The following SEMA6D variants were observed in gnomAD, a reference collection of about 807,000 sequenced individuals.
SEMA6D encodes semaphorin 6D.
In SEMA6D, 35 loss-of-function variants were observed where a neutral mutation model predicts 106.6. The observed-to-expected ratio is 0.33, with a 90% CI of 0.25 to 0.44. The LOEUF (loss-of-function observed/expected upper bound fraction) is 0.44, where lower values mean the gene tolerates loss of function less well. Among genes scored for constraint, SEMA6D ranks in the 20% least tolerant of loss-of-function variants. The pLI, the probability that SEMA6D is intolerant of heterozygous loss-of-function variation, is 1.00. For missense variants in SEMA6D, 1,185 were observed against 1,345.9 expected (o/e 0.88, Z 1.87); for synonymous variants, 499 against 487.7 (o/e 1.02, Z -0.31).
At chr15:47,295,789 T>G (rs2035780848) in intron 1 of SEMA6D, among the ~76,000 whole-genome samples, 1 of 152,218 alleles carries the variant, frequency 6.6e-6, no homozygotes. Context: ...AAAAGCCATT[T>G]AGTTGGGAGC....
At chr15:47,451,727 C>G (rs1457706534) in intron 2 of SEMA6D, among the ~76,000 whole-genome samples, 4 of 151,832 alleles carry the variant, frequency 2.6e-5, no homozygotes, top group East Asian at 1.9e-4. Context: ...TTTCCTTTAC[C>G]CTCTTTGCAC....
Position 47,436,304 on chromosome 15 carries a change from C to T in SEMA6D, c.-159+23832C>T, listed in dbSNP as rs1405480898. Among the ~76,000 whole-genome samples, 3 of 151,618 alleles carry T rather than the reference C, an allele frequency of 2.0e-5. No individual in the cohort carries two copies. The South Asian group carries it at 6.2e-4, about 32-fold the overall frequency. ...ATTTGGGAGGCTAAGGCAGGACCATCGCTTCAACCCAGGAAGCGGAGGTTG... is the reference window on the plus strand; with the variant it reads ...ATTTGGGAGGCTAAGGCAGGACCATTGCTTCAACCCAGGAAGCGGAGGTTG... On this transcript the variant is annotated intron_variant, in intron 2 of 19. Transcript: ENST00000558014.
intron 3 of SEMA6D, among the ~76,000 whole-genome samples, chr15:47,472,632 G>A (rs1345072555): frequency 6.6e-6 from 1 of 151,940 alleles, no homozygotes; most frequent in African/African-American, 2.4e-5. Flanking sequence ...TTTCTTCTGA[G>A]CTTTAGAAGA....
chr15:47,564,579 A>G (rs1001910218), intron 3 of SEMA6D, among the ~76,000 whole-genome samples: 1 of 152,160 alleles, frequency 6.6e-6, no homozygotes, highest in East Asian at 1.9e-4. Context: ...GAATATCCAT[A>G]CTTTTGGCTG....
intron 1 of SEMA6D, among the ~76,000 whole-genome samples, chr15:47,363,367 C>T (rs937680518): frequency 1.3e-5 from 2 of 152,062 alleles, no homozygotes; most frequent in East Asian, 1.9e-4. Flanking sequence ...TTAGGTGTGG[C>T]GGGGTCTATG....
chr15:47,361,119 C>T (rs1402552189), intron 1 of SEMA6D, among the ~76,000 whole-genome samples: 1 of 152,218 alleles, frequency 6.6e-6, no homozygotes, highest in East Asian at 1.9e-4. Context: ...TTTGGGTGTT[C>T]TCTTCCTTCT....
intron 1 of SEMA6D, among the ~76,000 whole-genome samples, chr15:47,407,119 C>T (rs529090827): frequency 5.9e-5 from 9 of 151,954 alleles, no homozygotes; most frequent in African/African-American, 2.2e-4. Flanking sequence ...AATCCCAGGA[C>T]TTTGGGAGGT....
chr15:47,361,200 G>A (rs2038791117), intron 1 of SEMA6D, among the ~76,000 whole-genome samples: 1 of 152,188 alleles, frequency 6.6e-6, no homozygotes, highest in African/African-American at 2.4e-5. Flanking sequence ...TAGGGGTCCA[G>A]CTATGTGGAG....
At chr15:47,584,435 A>T (rs377416239) in intron 3 of SEMA6D, among the ~76,000 whole-genome samples, 455 of 152,182 alleles carry the variant, frequency 3.0e-3, no homozygotes, top group African/African-American at 0.01. Context: ...GGGGAAAAAA[A>T]AAAAAGGAGA....
intron 4 of SEMA6D, among the ~76,000 whole-genome samples, chr15:47,700,482 C>A (rs557022335): frequency 9.2e-5 from 14 of 152,122 alleles, no homozygotes; most frequent in African/African-American, 3.1e-4. Flanking sequence ...GTTACAGTGA[C>A]CTATGATGAA....
intron 1 of SEMA6D, among the ~76,000 whole-genome samples, chr15:47,253,835 G>A (rs2033650645): frequency 6.6e-6 from 1 of 152,076 alleles, no homozygotes; most frequent in Admixed American, 6.5e-5. Context: ...GGCTATCCGA[G>A]GTCTTTTGTG....
intron 4 of SEMA6D, among the ~76,000 whole-genome samples, chr15:47,684,468 A>G (rs2078428780): frequency 1.3e-5 from 2 of 152,246 alleles, no homozygotes; most frequent in African/African-American, 2.4e-5. Context: ...TGAGATAGGA[A>G]CTATACTCAT....
At chr15:47,466,890 CTT>C (rs74867347) in intron 2 of SEMA6D, among the ~76,000 whole-genome samples, 39 of 132,118 alleles carry the variant, frequency 3.0e-4, no homozygotes, top group Admixed American at 3.9e-4. Flanking sequence ...CCACGCCTGG[CTT>C]TTTTTTTTTT....
rs1362434504 is a variant in SEMA6D at position 47,396,629 on chromosome 15, G to A, written c.-238-15764G>A. ...CTAGTCCTTCCGCATTCCTCTGCCT[G>A]CCTTTATCCTAGCTGCACTGGCAGT... On this transcript the variant is annotated intron_variant, in intron 1 of 19. Coordinates refer to the SEMA6D transcript ENST00000558014. 4 of 152,322 alleles carry A rather than the reference G, an allele frequency of 2.6e-5. No individual in the cohort carries two copies. The East Asian group carries it at 5.8e-4, about 22-fold the overall frequency. 9.4% of individuals were successfully genotyped at this position (152,322 alleles called of 1,614,324 possible).
intron 1 of SEMA6D, among the ~76,000 whole-genome samples, chr15:47,343,334 C>A (rs533838801): frequency 2.0e-5 from 3 of 151,208 alleles, no homozygotes; most frequent in South Asian, 4.2e-4. Context: ...TATATATGTG[C>A]CATGTTGGTG....
intron 1 of SEMA6D, among the ~76,000 whole-genome samples, chr15:47,242,326 T>A (rs1170899753): frequency 6.6e-6 from 1 of 152,144 alleles, no homozygotes; most frequent in Admixed American, 6.6e-5. Flanking sequence ...TCAACCCATT[T>A]TTGCCTGATT....
intron 3 of SEMA6D, among the ~76,000 whole-genome samples, chr15:47,493,360 T>C (rs925425769): frequency 4.6e-5 from 7 of 152,198 alleles, no homozygotes; most frequent in Admixed American, 4.6e-4. Context: ...TTGTGGTCTT[T>C]TTGTTGGCAA....
intron 1 of SEMA6D, among the ~76,000 whole-genome samples, chr15:47,325,300 A>G (rs2037087320): frequency 6.6e-6 from 1 of 151,990 alleles, no homozygotes; most frequent in African/African-American, 2.4e-5. Context: ...CAGCCTTCCG[A>G]GTAAACTGGA....
At chr15:47,255,118 G>T (rs2033734074) in intron 1 of SEMA6D, among the ~76,000 whole-genome samples, 2 of 152,010 alleles carry the variant, frequency 1.3e-5, no homozygotes, top group East Asian at 1.9e-4. Flanking sequence ...CTTCAATCTT[G>T]TCACTTGTTA....
Sources: allele counts gnomAD v4.1 joint callset (sites outside exome capture counted in the v4.1 genomes callset), GRCh38; gene constraint gnomAD v4.1.1; transcripts MANE v1.5; gene names NCBI Gene and HGNC (gene_info 2026-07-23, HGNC 2026-07-21).